MED27: variants seen among roughly 807,000 people sequenced by gnomAD.
MED27 encodes mediator of RNA polymerase II transcription subunit 27.
In MED27, 30 loss-of-function variants were observed where a neutral mutation model predicts 38.2. The ratio of observed to expected loss-of-function variants is 0.79; its 90% CI spans 0.59 to 1.07. The LOEUF is 1.07. Ranked by LOEUF, MED27 falls within the 50% of genes least tolerant of loss-of-function variation. The probability of loss-of-function intolerance (pLI) is 0.00; values close to 1 mark genes in which losing one functional copy is unlikely to be tolerated. For synonymous variants in MED27, 122 were observed against 153.5 expected, an observed-to-expected ratio of 0.79 and a Z score of 1.52; for missense variants, 289 against 397.5, an observed-to-expected ratio of 0.73 and a Z score of 2.32.
intron 3 of MED27, among the ~76,000 whole-genome samples, chr9:131,953,064 G>T (rs1831030405): frequency 6.6e-6 from 1 of 152,232 alleles, no homozygotes; most frequent in African/African-American, 2.4e-5. Flanking sequence ...AAGTATTCTA[G>T]ATTAGTAATG....
intron 3 of MED27, among the ~76,000 whole-genome samples, chr9:132,013,717 T>A (rs963043666): frequency 5.3e-5 from 8 of 152,134 alleles, no homozygotes; most frequent in Non-Finnish European, 5.9e-5. Context: ...ACAACTGTAC[T>A]CATATTCTAC....
rs149885187 is a variant in MED27 at position 131,999,666 on chromosome 9, C to T, written c.479+14671G>A. ...AAAAAGCATAGTGCCAATAAAATAA[C>T]AATTACAGATAAAGAAGAGCAAGAA... is the stretch of plus-strand genomic sequence containing the variant. On this transcript the variant is annotated intron_variant, in intron 3 of 7. Coordinates refer to ENST00000292035, the MANE Select transcript of MED27 (RefSeq NM_004269.4). 1.4e-3 allele frequency among the ~76,000 whole-genome samples: 219 copies of T among 152,184 alleles called. 1 individual carries two copies. Among genetic ancestry groups the T allele is most frequent in the African/African-American group, 5.1e-3 (212 of 41,506 alleles).
intron 6 of MED27, among the ~76,000 whole-genome samples, chr9:131,878,486 C>T (rs1325961424): frequency 6.6e-6 from 1 of 152,064 alleles, no homozygotes; most frequent in Non-Finnish European, 1.5e-5. Flanking sequence ...AGCTGGACAT[C>T]TGCGGGCTAC....
chr9:131,934,467 T>C (rs570359569), intron 4 of MED27, among the ~76,000 whole-genome samples: 1 of 152,022 alleles, frequency 6.6e-6, no homozygotes, highest in African/African-American at 2.4e-5. Context: ...AATTAAAAAA[T>C]AGGCAAAAGA....
intron 3 of MED27, among the ~76,000 whole-genome samples, chr9:131,970,275 G>A (rs1310722175): frequency 6.6e-5 from 10 of 152,232 alleles, no homozygotes; most frequent in East Asian, 1.9e-4. Context: ...CAAAGCCGGC[G>A]GGACGCCCGG....
At position 131,993,457 on chromosome 9, in the gene MED27, T is replaced by G. The variant is rs531444491; in HGVS notation, c.479+20880A>C. ...ATGCTACCCAGCTGTGGGAGGACAG[T>G]CAACACGTGGGCTCCAGCTGTCAGC... On this transcript the variant is annotated intron_variant, in intron 3 of 7. Coordinates refer to ENST00000292035, the MANE Select transcript of MED27 (RefSeq NM_004269.4). Among the ~76,000 whole-genome samples the G allele has an allele frequency of 3.3e-5, 5 of 152,242 alleles. No individual in the cohort carries two copies. The South Asian group carries it at 1.0e-3, about 32-fold the overall frequency.
intron 6 of MED27, among the ~76,000 whole-genome samples, chr9:131,879,457 T>C (rs1022430654): frequency 1.3e-5 from 2 of 152,142 alleles, no homozygotes; most frequent in Admixed American, 6.5e-5. Flanking sequence ...AGCTCTGCGG[T>C]TCTACCTCAG....
chr9:131,938,017 T>C (rs1830714260), intron 4 of MED27, among the ~76,000 whole-genome samples: 1 of 152,214 alleles, frequency 6.6e-6, no homozygotes, highest in South Asian at 2.1e-4. Context: ...TTTCTTTATG[T>C]TTTAACTGAA....
intron 2 of MED27, among the ~76,000 whole-genome samples, chr9:132,055,140 T>G (rs893849029): frequency 6.6e-6 from 1 of 152,200 alleles, no homozygotes; most frequent in African/African-American, 2.4e-5. Flanking sequence ...CTGCACATAG[T>G]GGGCCCTCAA....
At chr9:131,881,385 CCTTTATG>C (rs770043702) in intron 6 of MED27, among the ~76,000 whole-genome samples, 37 of 152,214 alleles carry the variant, frequency 2.4e-4, no homozygotes, top group Non-Finnish European at 1.9e-4. Flanking sequence ...ACCCTTCCTT[CCTTTATG>C]CTTCAGACCC....
intron 3 of MED27, among the ~76,000 whole-genome samples, chr9:131,944,610 C>T (rs139825303): frequency 0.019 from 2,913 of 151,724 alleles, 33 homozygotes; most frequent in Middle Eastern, 0.034. Flanking sequence ...TCACTGCAAC[C>T]TCCACCTCAT....
intron 6 of MED27, among the ~76,000 whole-genome samples, chr9:131,873,478 C>A (rs902543321): frequency 3.3e-5 from 5 of 152,186 alleles, no homozygotes; most frequent in Non-Finnish European, 7.3e-5. Context: ...TATTATGCAG[C>A]TCTCGTCTCT....
At chr9:131,870,692 C>T (rs1229674857) in intron 6 of MED27, among the ~76,000 whole-genome samples, 1 of 152,110 alleles carries the variant, frequency 6.6e-6, no homozygotes, top group Non-Finnish European at 1.5e-5. Flanking sequence ...TTTCCAGGCC[C>T]TCTCCTCCCC....
chr9:131,959,307 C>T (rs1253592692), intron 3 of MED27, among the ~76,000 whole-genome samples: 1 of 152,068 alleles, frequency 6.6e-6, no homozygotes, highest in Non-Finnish European at 1.5e-5. Context: ...TCCTGTACAA[C>T]ACACATGTAT....
chr9:132,031,231 G>A (rs1382648235), intron 2 of MED27, among the ~76,000 whole-genome samples: 1 of 152,178 alleles, frequency 6.6e-6, no homozygotes, highest in Non-Finnish European at 1.5e-5. Flanking sequence ...GCTGAAAACA[G>A]GTGGATAAAT....
intron 3 of MED27, among the ~76,000 whole-genome samples, chr9:131,992,257 GA>G (rs1464706126): frequency 6.6e-6 from 1 of 152,148 alleles, no homozygotes; most frequent in Non-Finnish European, 1.5e-5. Context: ...AGAAAAAAAG[GA>G]AAGGAAAGCC....
At chr9:131,958,524 G>A (rs933089476) in intron 3 of MED27, among the ~76,000 whole-genome samples, 2 of 152,176 alleles carry the variant, frequency 1.3e-5, no homozygotes, top group African/African-American at 4.8e-5. Context: ...GGGATTACAG[G>A]CGTGAGCCAC....
chr9:131,916,768 G>A (rs1830296676), intron 4 of MED27, among the ~76,000 whole-genome samples: 1 of 152,112 alleles, frequency 6.6e-6, no homozygotes. Context: ...TCTTCCTAAA[G>A]GCACTGTGCA....
At chr9:131,993,327 A>G (rs1341228043) in intron 3 of MED27, among the ~76,000 whole-genome samples, 1 of 152,158 alleles carries the variant, frequency 6.6e-6, no homozygotes, top group Non-Finnish European at 1.5e-5. Context: ...AAGGGGGAGA[A>G]ATGAATACAG....
Sources: gnomAD v4.1 joint callset for allele counts (sites outside exome capture counted in the v4.1 genomes callset) on GRCh38, gnomAD v4.1.1 for gene constraint, MANE v1.5 for transcripts, NCBI Gene and HGNC (gene_info 2026-07-23, HGNC 2026-07-21) for gene names.